The following HPSE2 variants were observed in gnomAD, a reference collection of about 807,000 sequenced individuals.
The protein encoded by HPSE2 is inactive heparanase-2.
Under a neutral mutation model 60.5 loss-of-function variants are expected in HPSE2, and 38 were observed. The ratio of observed to expected loss-of-function variants is 0.63; its 90% CI spans 0.48 to 0.82. The LOEUF (loss-of-function observed/expected upper bound fraction) is 0.82. HPSE2 is among the 40% of genes least tolerant of loss of function. HPSE2 has a pLI of 0.00. For missense variants in HPSE2, 713 were observed against 740.4 expected (o/e 0.96, Z 0.43); for synonymous variants, 295 against 293.2 (o/e 1.01, Z -0.06).
intron 3 of HPSE2, among the ~76,000 whole-genome samples, chr10:98,798,155 G>A (rs543223849): frequency 6.6e-6 from 1 of 152,136 alleles, no homozygotes; most frequent in Admixed American, 6.5e-5. Flanking sequence ...CACACTCCAG[G>A]AGAAGAGGAG....
chr10:99,002,291 T>A (rs1956794354), intron 3 of HPSE2, among the ~76,000 whole-genome samples: 1 of 152,088 alleles, frequency 6.6e-6, no homozygotes, highest in South Asian at 2.1e-4. Context: ...TATTCCATCC[T>A]CATGGAGGTG....
chr10:98,927,710 C>A (rs1954516570), intron 3 of HPSE2, among the ~76,000 whole-genome samples: 1 of 92,098 alleles, frequency 1.1e-5, no homozygotes, highest in Non-Finnish European at 2.1e-5. Flanking sequence ...TGATCTTTGA[C>A]AAACCTGAGA....
At chr10:98,671,898 CAT>C (rs1589612657) in intron 6 of HPSE2, among the ~76,000 whole-genome samples, 1 of 152,110 alleles carries the variant, frequency 6.6e-6, no homozygotes, top group Non-Finnish European at 1.5e-5. Context: ...CCCACCTGGC[CAT>C]ATCCCTTCCT....
intron 3 of HPSE2, chr10:99,048,118 C>A: frequency 1.1e-6 from 1 of 950,600 alleles, no homozygotes; most frequent in Admixed American, 1.9e-5. Context: ...GTGCTTATGG[C>A]AAAATCAATA....
intron 9 of HPSE2, among the ~76,000 whole-genome samples, chr10:98,594,296 C>G (rs748426477): frequency 6.6e-6 from 1 of 151,956 alleles, no homozygotes; most frequent in Non-Finnish European, 1.5e-5. Context: ...TTCCCTACCC[C>G]GCCTCCCCTT....
chr10:98,875,052 G>A (rs2134850973), intron 3 of HPSE2, among the ~76,000 whole-genome samples: 1 of 151,950 alleles, frequency 6.6e-6, no homozygotes, highest in African/African-American at 2.4e-5. Flanking sequence ...GTTCATTAGG[G>A]ATATTGGCCC....
At chr10:98,764,169 G>A (rs1040264594) in intron 3 of HPSE2, among the ~76,000 whole-genome samples, 2 of 151,958 alleles carry the variant, frequency 1.3e-5, no homozygotes, top group African/African-American at 4.8e-5. Context: ...TGGTAGAAAT[G>A]GTCAAATACT....
rs868108997 is a variant in HPSE2, at chr10:99,015,506, G to A, written c.610+128732C>T. Among the ~76,000 whole-genome samples, 13 of 152,196 alleles carry A rather than the reference G, an allele frequency of 8.5e-5. No homozygotes were observed. In the East Asian group the frequency reaches 1.2e-3, roughly 14 times the overall value. ...TGCAGCCATAAAAAATAATGAGTTCGTGTCCTTTGTAGGGACATGGATGAA... is the reference window on the plus strand; with the variant it reads ...TGCAGCCATAAAAAATAATGAGTTCATGTCCTTTGTAGGGACATGGATGAA... On this transcript the variant is annotated intron_variant, in intron 3 of 11. Transcript: ENST00000370552.
intron 6 of HPSE2, among the ~76,000 whole-genome samples, chr10:98,649,075 G>T (rs1946849197): frequency 6.6e-6 from 1 of 152,112 alleles, no homozygotes; most frequent in African/African-American, 2.4e-5. Context: ...GAATGATAGG[G>T]TCTATCTAAG....
intron 3 of HPSE2, among the ~76,000 whole-genome samples, chr10:98,927,013 G>A (rs994375608): frequency 5.3e-5 from 8 of 152,084 alleles, no homozygotes; most frequent in African/African-American, 1.9e-4. Context: ...ATTTGCTGAG[G>A]AGAGCTTTAC....
Position 98,459,716 on chromosome 10 carries a change from G to T in HPSE2, c.1637C>A (p.Pro546His), listed in dbSNP as rs778042822. 1.2e-6 allele frequency: 2 copies of T among 1,613,842 alleles called. No homozygotes were observed. Among genetic ancestry groups the T allele is most frequent in the Non-Finnish European group, 1.7e-6 (2 of 1,179,924 alleles). The change falls in exon 12 of 12, where the codon CCC (proline) becomes CAC (histidine). Residue 546 changes from proline to histidine, a missense_variant. By Grantham distance (77) the Pro-to-His change is moderately conservative. Coordinates refer to ENST00000370552, the MANE Select transcript of HPSE2 (RefSeq NM_021828.5). The stretch of plus-strand genomic sequence containing the variant: ...GGTCCCGTCGTCCACCATCACTAAG[G>T]GCTGGCCATTCAGTTGCACTGACCT... Reference protein sequence around the residue: ...KSKSVQLNGQPLVMVDDGTLP... With the variant: ...KSKSVQLNGQHLVMVDDGTLP...
intron 3 of HPSE2, among the ~76,000 whole-genome samples, chr10:99,007,688 T>A (rs1956924873): frequency 6.6e-6 from 1 of 152,194 alleles, no homozygotes; most frequent in African/African-American, 2.4e-5. Flanking sequence ...GTTTTCTGAA[T>A]CCAGTCTAAT....
intron 3 of HPSE2, among the ~76,000 whole-genome samples, chr10:99,032,189 A>T (rs957931030): frequency 3.3e-5 from 5 of 152,220 alleles, no homozygotes; most frequent in African/African-American, 1.2e-4. Context: ...CAGCTGTTGT[A>T]TCTAGATTCA....
At chr10:98,953,941 C>T (rs1955438924) in intron 3 of HPSE2, among the ~76,000 whole-genome samples, 2 of 152,102 alleles carry the variant, frequency 1.3e-5, no homozygotes, top group South Asian at 4.1e-4. Flanking sequence ...GATTATACTA[C>T]CAAATCTATA....
intron 9 of HPSE2, among the ~76,000 whole-genome samples, chr10:98,571,485 A>T (rs1265041463): frequency 6.6e-6 from 1 of 152,190 alleles, no homozygotes; most frequent in African/African-American, 2.4e-5. Flanking sequence ...TTTACATTTT[A>T]AAAAAGCATT....
intron 9 of HPSE2, among the ~76,000 whole-genome samples, chr10:98,597,412 C>A (rs1945269560): frequency 6.6e-6 from 1 of 151,988 alleles, no homozygotes; most frequent in Non-Finnish European, 1.5e-5. Context: ...CACCTGTAAT[C>A]CCAGCACTTT....
intron 9 of HPSE2, among the ~76,000 whole-genome samples, chr10:98,524,607 AGTT>A (rs1271967109): frequency 1.3e-5 from 2 of 152,222 alleles, no homozygotes; most frequent in Non-Finnish European, 2.9e-5. Flanking sequence ...TAAGGCAACT[AGTT>A]GTTCTTTTTT....
At chr10:99,164,095 T>C (rs1353468795) in intron 2 of HPSE2, among the ~76,000 whole-genome samples, 1 of 151,398 alleles carries the variant, frequency 6.6e-6, no homozygotes, top group Non-Finnish European at 1.5e-5. Context: ...CAATCCTCAA[T>C]GGATCTCACC....
At chr10:99,097,708 A>G (rs1309852395) in intron 3 of HPSE2, among the ~76,000 whole-genome samples, 1 of 152,192 alleles carries the variant, frequency 6.6e-6, no homozygotes. Flanking sequence ...AGATTTTACA[A>G]TTTTTAAAGT....
Sources: allele counts gnomAD v4.1 joint callset (sites outside exome capture counted in the v4.1 genomes callset), GRCh38; gene constraint gnomAD v4.1.1; transcripts MANE v1.5; gene names NCBI Gene and HGNC (gene_info 2026-07-23, HGNC 2026-07-21).